The following SYT14 variants were observed in gnomAD, a reference collection of about 807,000 sequenced individuals.
The protein encoded by SYT14 is synaptotagmin-14.
A neutral mutation model predicts 74.2 loss-of-function variants in SYT14; 32 were observed. The observed-to-expected ratio is 0.43, with a 90% CI of 0.33 to 0.58. SYT14 has a LOEUF of 0.58. Among genes scored for constraint, SYT14 ranks in the 20% least tolerant of loss-of-function variants. The pLI is 0.05. For synonymous variants in SYT14, 298 were observed against 337.7 expected, an observed-to-expected ratio of 0.88 and a Z score of 1.29; for missense variants, 791 against 981.8, an observed-to-expected ratio of 0.81 and a Z score of 2.60.
chr1:210,141,868 C>T (rs2082921864), intron 7 of SYT14, among the ~76,000 whole-genome samples: 1 of 152,172 alleles, frequency 6.6e-6, no homozygotes, highest in Non-Finnish European at 1.5e-5. Flanking sequence ...TAGCTTTGCA[C>T]ATGTGTGTAG....
At chr1:210,110,637 T>C (rs892078763) in intron 7 of SYT14, among the ~76,000 whole-genome samples, 2 of 152,224 alleles carry the variant, frequency 1.3e-5, no homozygotes, top group Admixed American at 6.5e-5. Flanking sequence ...CAAGGAGACA[T>C]AGTAAAGGAT....
At chr1:210,099,183 G>A (rs1233918798) in intron 6 of SYT14, among the ~76,000 whole-genome samples, 4 of 151,986 alleles carry the variant, frequency 2.6e-5, no homozygotes, top group East Asian at 1.9e-4. Context: ...GGTCAGAGAC[G>A]TAGGTTTGAC....
chr1:210,161,110 C>G lies in SYT14; in HGVS notation c.*68C>G. 3 of 1,526,140 alleles carry G rather than the reference C, an allele frequency of 2.0e-6. No individual in the cohort carries two copies. The South Asian group carries it at 3.4e-5, about 17-fold the overall frequency. The allele number at this position is 1,526,140 out of a possible 1,614,324, so 94.5% of individuals were successfully genotyped here. On this transcript the variant is annotated 3_prime_UTR_variant, in exon 10 of 10. Transcript: ENST00000637265. Reference sequence around the variant, plus strand: ...TCCAATTCCAACATTACTGTTTCTACCAAGTCCCATTAGAAGAGCTGTTCT... The same window carrying G: ...TCCAATTCCAACATTACTGTTTCTAGCAAGTCCCATTAGAAGAGCTGTTCT...
intron 5 of SYT14, among the ~76,000 whole-genome samples, chr1:210,045,350 A>T (rs2080865188): frequency 6.6e-6 from 1 of 152,222 alleles, no homozygotes; most frequent in Non-Finnish European, 1.5e-5. Flanking sequence ...GATGCTTTGA[A>T]TGTAGTTAAT....
chr1:210,057,542 C>T (rs1208061658), intron 5 of SYT14, among the ~76,000 whole-genome samples: 1 of 152,074 alleles, frequency 6.6e-6, no homozygotes, highest in Non-Finnish European at 1.5e-5. Flanking sequence ...ATGAGTTCCC[C>T]GTATCTCACA....
intron 7 of SYT14, among the ~76,000 whole-genome samples, chr1:210,146,894 G>A (rs912513124): frequency 2.6e-5 from 4 of 151,418 alleles, no homozygotes; most frequent in African/African-American, 4.8e-5. Flanking sequence ...TCAGGAGATC[G>A]AGACCATCTC....
intron 2 of SYT14, among the ~76,000 whole-genome samples, chr1:209,990,975 G>A (rs955634611): frequency 6.6e-6 from 1 of 152,056 alleles, no homozygotes; most frequent in African/African-American, 2.4e-5. Flanking sequence ...CAGAAATAAA[G>A]CCCCACACTT....
intron 5 of SYT14, among the ~76,000 whole-genome samples, chr1:210,046,434 G>A (rs376531998): frequency 1.6e-4 from 23 of 145,462 alleles, no homozygotes; most frequent in African/African-American, 5.7e-4. Flanking sequence ...TTTTTTTTTT[G>A]TAACTTTACT....
chr1:209,957,495 C>T (rs1333391653), intron 2 of SYT14, among the ~76,000 whole-genome samples: 14 of 152,118 alleles, frequency 9.2e-5, no homozygotes, highest in African/African-American at 1.7e-4. Context: ...GGCGTGATCT[C>T]GGCTCGCTGC....
intron 2 of SYT14, 99 bp downstream of exon 2, chr1:209,952,855 G>A: frequency 8.0e-7 from 1 of 1,253,800 alleles, no homozygotes; most frequent in Admixed American, 1.8e-5. Context: ...TATTTATGAA[G>A]TGTAAATTTT....
intron 2 of SYT14, among the ~76,000 whole-genome samples, chr1:209,971,643 C>G (rs923250847): frequency 3.9e-5 from 6 of 152,068 alleles, no homozygotes; most frequent in Non-Finnish European, 7.4e-5. Flanking sequence ...TTGAGATGAT[C>G]ATGCAGTTTT....
chr1:210,039,630 GTCCA>G lies in SYT14; in HGVS notation c.1312+18379_1312+18382del, dbSNP rs200165723. On this transcript the variant is annotated intron_variant, in intron 5 of 9. Coordinates refer to ENST00000637265, the Ensembl canonical transcript of SYT14. ...GGATGGGAGAAAATTTTTGCAATCT[GTCCA>G]TCTGACAAAGGACTAATATCCAGAA... Among the ~76,000 whole-genome samples, 1,123 of 152,146 alleles carry G rather than the reference GTCCA, an allele frequency of 7.4e-3. 7 individuals are homozygous for G. The highest frequency in any genetic ancestry group is 0.025 in the African/African-American group (1,055 of 41,516).
At position 210,047,306 on chromosome 1, in the gene SYT14, TAAAA is replaced by T. The variant is rs202168076; in HGVS notation, c.1312+26056_1312+26059del. 8.5e-5 allele frequency among the ~76,000 whole-genome samples: 13 copies of T among 152,202 alleles called. No homozygotes were observed. In the East Asian group the frequency reaches 2.5e-3, roughly 29 times the overall value. The stretch of plus-strand genomic sequence containing the variant: ...TTATTGAATTAATATAGCCAAAAAA[TAAAA>T]AAATTATGTGGATTTTTCTGTTGCT... On this transcript the variant is annotated intron_variant, in intron 5 of 9. Transcript: ENST00000637265.
At chr1:210,035,722 G>A (rs951280278) in intron 5 of SYT14, among the ~76,000 whole-genome samples, 2 of 151,746 alleles carry the variant, frequency 1.3e-5, no homozygotes, top group African/African-American at 4.8e-5. Flanking sequence ...CTTTGTTAAA[G>A]ATCAGTTATT....
At chr1:210,059,445 TATATATAGAGAG>T (rs2081163247) in intron 5 of SYT14, among the ~76,000 whole-genome samples, 2 of 96,798 alleles carry the variant, frequency 2.1e-5, no homozygotes, top group Middle Eastern at 5.8e-3. Flanking sequence ...TATATATATA[TATATATAGAGAG>T]AGAGAGAGAG....
intron 5 of SYT14, among the ~76,000 whole-genome samples, chr1:210,094,099 T>C (rs1212063630): frequency 6.6e-6 from 1 of 152,152 alleles, no homozygotes; most frequent in Non-Finnish European, 1.5e-5. Context: ...GTATATGACT[T>C]TTATTTTTCC....
At chr1:210,059,451 T>TATATATATATAGAGAGAGAGAGAGAGAG (rs377050610) in intron 5 of SYT14, among the ~76,000 whole-genome samples, 1 of 69,892 alleles carries the variant, frequency 1.4e-5, no homozygotes, top group African/African-American at 7.9e-5. Context: ...TATATATATA[T>TATATATATATAGAGAGAGAGAGAGAGAG]AGAGAGAGAG....
Position 210,042,021 on chromosome 1 carries a change from T to G in SYT14, c.1312+20767T>G, listed in dbSNP as rs1379644709. On this transcript the variant is annotated intron_variant, in intron 5 of 9. Transcript: ENST00000637265. ...TTAGTGATAGGAGGAATGAGGAGCC[T>G]GGGTTTTTCTGGACAGTTTCTTACC... 6.6e-5 allele frequency among the ~76,000 whole-genome samples: 10 copies of G among 151,932 alleles called. No individual in the cohort carries two copies. In the East Asian group the frequency reaches 1.9e-3, roughly 30 times the overall value.
Position 210,026,642 on chromosome 1 carries a change from A to ACACACACT in SYT14, c.1312+5389_1312+5390insACACACTC, listed in dbSNP as rs1483338264. ...CACACACACACACACACACACACACACTCACCCCTACTTGTCATTCTCTTT... is the reference window on the plus strand; with the variant it reads ...CACACACACACACACACACACACACACACACACTCTCACCCCTACTTGTCATTCTCTTT... On this transcript the variant is annotated intron_variant, in intron 5 of 9. Transcript: ENST00000637265. Among the ~76,000 whole-genome samples the ACACACACT allele has an allele frequency of 5.4e-5, 8 of 148,834 alleles. No individual in the cohort carries two copies. The South Asian group carries it at 8.4e-4, about 16-fold the overall frequency.
Sources: gnomAD v4.1 joint callset for allele counts (sites outside exome capture counted in the v4.1 genomes callset) on GRCh38, gnomAD v4.1.1 for gene constraint, MANE v1.5 for transcripts, NCBI Gene and HGNC (gene_info 2026-07-23, HGNC 2026-07-21) for gene names.